SLC2A8: variants seen among roughly 807,000 people sequenced by gnomAD.
The protein encoded by SLC2A8 is solute carrier family 2, facilitated glucose transporter member 8.
A neutral mutation model predicts 49.2 loss-of-function variants in SLC2A8; 53 were observed. The ratio of observed to expected loss-of-function variants is 1.08; its 90% CI spans 0.86 to 1.35. SLC2A8 has a LOEUF of 1.35. Among genes scored for constraint, SLC2A8 ranks in the 40% most tolerant of loss-of-function variants. The pLI is 0.00. For synonymous variants in SLC2A8, 299 were observed against 297.0 expected (o/e 1.01, Z -0.07); for missense variants, 688 against 671.7 (o/e 1.02, Z -0.27).
At chr9:127,406,372 C>G (rs12115375) in intron 9 of SLC2A8, among the ~76,000 whole-genome samples, 49,130 of 152,040 alleles carry the variant, frequency 0.32, 8,400 homozygotes, top group Middle Eastern at 0.46. Flanking sequence ...CAGGACTGCC[C>G]GGGGAGCACA....
intron 4 of SLC2A8, among the ~76,000 whole-genome samples, chr9:127,401,073 C>T (rs936654476): frequency 2.6e-5 from 4 of 152,112 alleles, no homozygotes; most frequent in Admixed American, 6.5e-5. Context: ...CCAGTGTGGG[C>T]GACACAGTGA....
In SLC2A8 at chr9:127,399,294, G is replaced by A. The variant is rs1285574358; in HGVS notation, c.427-613G>A. 6.6e-6 allele frequency among the ~76,000 whole-genome samples: 1 copy of A among 152,226 alleles called. No homozygotes were observed. The highest frequency in any genetic ancestry group is 1.5e-5 in the Non-Finnish European group (1 of 68,038). ...TGCATCGGAATCTATGATTTATCCA[G>A]GGTGTCTGTGCACATTAAACGAAGG... On this transcript the variant is annotated intron_variant, in intron 3 of 9. Coordinates refer to ENST00000373371, the MANE Select transcript of SLC2A8 (RefSeq NM_014580.5). This position sits in a 1 kb window ranked among gnomAD's most constrained non-coding sequence, Gnocchi z 4.2.
Position 127,397,388 on chromosome 9 carries a change from C to T in SLC2A8, c.69C>T (p.Gly23=), listed in dbSNP as rs1271077874. 4.1e-6 allele frequency: 6 copies of T among 1,469,576 alleles called. No individual in the cohort carries two copies. Among genetic ancestry groups the T allele is most frequent in the African/African-American group, 1.5e-5 (1 of 67,912 alleles). The allele number at this position is 1,469,576 out of a possible 1,614,324, so 91.0% of individuals were successfully genotyped here. Residue 23 remains glycine, a synonymous_variant, in exon 2 of 10, where the codon GGC becomes GGT. Coordinates refer to ENST00000373371, the MANE Select transcript of SLC2A8 (RefSeq NM_014580.5). ...CCTGTCCCCCCAGCGCGCCCCGCGG[C>T]CGCCGCGTCTTCCTCGCCGCCTTCG... ...LGPPGGSAPR[G]RRVFLAAFAA...
At chr9:127,403,215 C>A (rs1376584956) in intron 5 of SLC2A8, 3 of 229,656 alleles carry the variant, frequency 1.3e-5, no homozygotes, top group Non-Finnish European at 2.6e-5. Context: ...CTGGGTGGGA[C>A]TCAGTGGGGG....
intron 5 of SLC2A8, chr9:127,403,236 G>A (rs78931776): frequency 8.0e-4 from 194 of 243,472 alleles, no homozygotes; most frequent in African/African-American, 4.0e-3. Flanking sequence ...AAAGGAAGGC[G>A]GGGCTTAGGG....
rs1333962074 is a variant in SLC2A8, at chr9:127,399,526, T to A, written c.427-381T>A. On this transcript the variant is annotated intron_variant, in intron 3 of 9. Transcript: ENST00000373371. The surrounding 1 kb of genome is among the most constrained non-coding windows in gnomAD (Gnocchi z 4.2). The stretch of plus-strand genomic sequence containing the variant: ...CCTCAGCTCTGAATGGCTGAGACCT[T>A]TCCATTTTAAGAACTCTTGGAGCCT... Among the ~76,000 whole-genome samples the A allele has an allele frequency of 6.6e-6, 1 of 152,010 alleles. No homozygotes were observed. The highest frequency in any genetic ancestry group is 2.4e-5 in the African/African-American group (1 of 41,380).
intron 5 of SLC2A8, 104 bp downstream of exon 5, chr9:127,402,857 G>C (rs951612110): frequency 7.5e-7 from 1 of 1,340,682 alleles, no homozygotes; most frequent in Admixed American, 2.9e-5. Context: ...GGGACAGGGA[G>C]GTGCCTATCC....
rs1233001400 is a variant in SLC2A8 at position 127,397,245 on chromosome 9, C to T, written c.15C>T (p.Asp5=). The T allele has an allele frequency of 2.1e-6, 3 of 1,447,194 alleles. 1 individual carries two copies. The highest frequency in any genetic ancestry group is 9.0e-7 in the Non-Finnish European group (1 of 1,108,790). The allele number at this position is 1,447,194 out of a possible 1,614,324, so 89.6% of individuals were successfully genotyped here. MTPE[D]PEETQPLLGP... Reference sequence around the variant, plus strand: ...TGGCCGCCGACATGACGCCCGAGGACCCAGAGGAAACCCAGCCGCTTCTGG... The same window carrying T: ...TGGCCGCCGACATGACGCCCGAGGATCCAGAGGAAACCCAGCCGCTTCTGG... Residue 5 remains aspartate, a synonymous_variant, in exon 1 of 10, where the codon GAC becomes GAT. Transcript: ENST00000373371.
rs772710053 is a variant in SLC2A8 at position 127,402,642 on chromosome 9, G to C, written c.612G>C (p.Glu204Asp). Residue 204 changes from glutamate (E) to aspartate (D), a missense_variant, in exon 5 of 10, where the codon GAG (glutamate) becomes GAC (aspartate). Transcript: ENST00000373371. Reference sequence around the variant, plus strand: ...TGCTTCTCATGTGCTTCATGCCCGAGACCCCGCGCTTCCTGCTGACTCAGC... The same window carrying C: ...TGCTTCTCATGTGCTTCATGCCCGACACCCCGCGCTTCCTGCTGACTCAGC... ...LMLLLMCFMP[E>D]TPRFLLTQHR... 8 of 1,594,962 alleles carry C rather than the reference G, an allele frequency of 5.0e-6. No individual in the cohort carries two copies. The highest frequency in any genetic ancestry group is 6.0e-6 in the Non-Finnish European group (7 of 1,172,870).
Position 127,407,519 on chromosome 9 carries a change from G to A in SLC2A8, c.*270G>A. On this transcript the variant is annotated 3_prime_UTR_variant, in exon 10 of 10. Coordinates refer to ENST00000373371, the MANE Select transcript of SLC2A8 (RefSeq NM_014580.5). Reference sequence around the variant, plus strand: ...GCCCTCCATGCGCAAGACTAAAGCAGCGGAAGAGGAGGTGGGCCTCTAGGA... The same window carrying A: ...GCCCTCCATGCGCAAGACTAAAGCAACGGAAGAGGAGGTGGGCCTCTAGGA... 1.7e-6 allele frequency: 1 copy of A among 574,870 alleles called. No individual in the cohort carries two copies. The highest frequency in any genetic ancestry group is 3.4e-6 in the Non-Finnish European group (1 of 294,080). The allele number at this position is 574,870 out of a possible 1,614,324, so 35.6% of individuals were successfully genotyped here.
At chr9:127,398,228 A>G (rs1358325097) in intron 3 of SLC2A8, 117 bp downstream of exon 3, 1 of 1,056,220 alleles carries the variant, frequency 9.5e-7, no homozygotes, top group Non-Finnish European at 1.5e-6. Context: ...TCTGGGTGCC[A>G]GGCTTGAAGT....
At position 127,397,183 on chromosome 9, in the gene SLC2A8, C is replaced by T. The variant is rs760541123; in HGVS notation, c.-48C>T. ...CGGTGCGGGCCGCACTCGCAGGGCCCGTGGCGGTTCAGGCGCCAGAGCTGG... is the reference window on the plus strand; with the variant it reads ...CGGTGCGGGCCGCACTCGCAGGGCCTGTGGCGGTTCAGGCGCCAGAGCTGG... On this transcript the variant is annotated 5_prime_UTR_variant, in exon 1 of 10. Transcript: ENST00000373371. 6.9e-7 allele frequency: 1 copy of T among 1,439,696 alleles called. No individual in the cohort carries two copies. Among genetic ancestry groups the T allele is most frequent in the Non-Finnish European group, 9.1e-7 (1 of 1,104,604 alleles). 89.2% of individuals were successfully genotyped at this position (1,439,696 alleles called of 1,614,324 possible). A position where few individuals can be genotyped will look rare whatever the true frequency, so the allele number is the denominator to read the frequency against.
At position 127,403,726 on chromosome 9, in the gene SLC2A8, A is replaced by C; in HGVS notation, c.790A>C (p.Met264Leu). ...YKPFIIGVSL[M>L]AFQQLSGVNA... ...GCCCTTCATCATCGGCGTCTCCCTG[A>C]TGGCCTTCCAGCAGCTGTCGGGGGT... is the stretch of plus-strand genomic sequence containing the variant. Residue 264 changes from methionine (M) to leucine (L), a missense_variant, in exon 6 of 10, where the codon ATG becomes CTG. Transcript: ENST00000373371. 6.2e-7 allele frequency: 1 copy of C among 1,613,074 alleles called. No individual in the cohort carries two copies. Among genetic ancestry groups the C allele is most frequent in the Non-Finnish European group, 8.5e-7 (1 of 1,179,934 alleles).
chr9:127,397,300 A>C lies in SLC2A8; in HGVS notation c.56+14A>C, dbSNP rs957550115. 3 of 1,382,842 alleles carry C rather than the reference A, an allele frequency of 2.2e-6. No homozygotes were observed. In the African/African-American group the frequency reaches 4.6e-5, roughly 21 times the overall value. 85.7% of individuals were successfully genotyped at this position (1,382,842 alleles called of 1,614,324 possible). On this transcript the variant is annotated intron_variant, in intron 1 of 9. Transcript: ENST00000373371. Reference sequence around the variant, plus strand: ...TCCTGGCGGCAGGTGAGCTCCGGGGAACCCGGGCCCGGATGCGGCCTCGCC... The same window carrying C: ...TCCTGGCGGCAGGTGAGCTCCGGGGCACCCGGGCCCGGATGCGGCCTCGCC...
At position 127,400,073 on chromosome 9, in the gene SLC2A8, G is replaced by A. The variant is rs1027794497; in HGVS notation, c.526+67G>A. On this transcript the variant is annotated intron_variant, in intron 4 of 9. Coordinates refer to ENST00000373371, the MANE Select transcript of SLC2A8 (RefSeq NM_014580.5). ...TGGCCATTTTACAGATGTGTAAACA[G>A]AGGTTCAGTGAGGTCAAGGGACTTG... 3.3e-5 allele frequency: 45 copies of A among 1,343,886 alleles called. No homozygotes were observed. In the East Asian group the frequency reaches 4.1e-4, roughly 12 times the overall value. 83.2% of individuals were successfully genotyped at this position (1,343,886 alleles called of 1,614,324 possible).
rs1254430834 is a variant in SLC2A8 at position 127,399,669 on chromosome 9, C to T, written c.427-238C>T. Among the ~76,000 whole-genome samples the T allele has an allele frequency of 6.6e-6, 1 of 151,614 alleles. No individual in the cohort carries two copies. Among genetic ancestry groups the T allele is most frequent in the African/African-American group, 2.4e-5 (1 of 41,206 alleles). On this transcript the variant is annotated intron_variant, in intron 3 of 9. Coordinates refer to ENST00000373371, the MANE Select transcript of SLC2A8 (RefSeq NM_014580.5). This position sits in a 1 kb window ranked among gnomAD's most constrained non-coding sequence, Gnocchi z 4.2. ...GGATCTTGGCTCACCGCAACCTCCA[C>T]CTCCAGGGTTCAAGTGATTCTCCTC...
chr9:127,398,080 T>A lies in SLC2A8; in HGVS notation c.395T>A (p.Leu132Gln). ...MLLGGRLLTGLACGVASLVAP... is the reference protein window; with the variant it reads ...MLLGGRLLTGQACGVASLVAP... ...CTGGGGGGCCGCCTCCTCACCGGCCTGGCCTGCGGTGTTGCCTCCCTAGTG... is the reference window on the plus strand; with the variant it reads ...CTGGGGGGCCGCCTCCTCACCGGCCAGGCCTGCGGTGTTGCCTCCCTAGTG... Residue 132 changes from leucine to glutamine, a missense_variant, in exon 3 of 10, where the codon CTG becomes CAG. Leu to Gln is a moderately radical substitution (Grantham distance 113). Coordinates refer to ENST00000373371, the MANE Select transcript of SLC2A8 (RefSeq NM_014580.5). 1 of 1,585,022 alleles carries A rather than the reference T, an allele frequency of 6.3e-7. No homozygotes were observed.
intron 5 of SLC2A8, 152 bp downstream of exon 5, chr9:127,402,905 T>C: frequency 9.5e-7 from 1 of 1,048,422 alleles, no homozygotes; most frequent in Non-Finnish European, 1.3e-6. Flanking sequence ...CAGTGTGTCC[T>C]GTCTTTGAGC....
At chr9:127,407,040 G>A in intron 9 of SLC2A8, 72 bp from the exon 10 acceptor site, 5 of 1,570,140 alleles carry the variant, frequency 3.2e-6, no homozygotes, top group Non-Finnish European at 4.3e-6. Flanking sequence ...TGGTGGCAGA[G>A]CTGTCTCAGT....
Sources: gnomAD v4.1 joint callset for allele counts (sites outside exome capture counted in the v4.1 genomes callset) on GRCh38, gnomAD v4.1.1 for gene constraint, Gnocchi (gnomAD v3.1) non-coding constraint, MANE v1.5 for transcripts, NCBI Gene and HGNC (gene_info 2026-07-23, HGNC 2026-07-21) for gene names.